Variants in SLC44A5 observed in about 807,000 individuals in gnomAD.
The protein encoded by SLC44A5 is choline transporter-like protein 5.
Under a neutral mutation model 101.8 loss-of-function variants are expected in SLC44A5, and 57 were observed. That is an observed-to-expected ratio of 0.56 (90% CI 0.45 to 0.70). The LOEUF is 0.70. Ranked by LOEUF, SLC44A5 falls within the 30% of genes least tolerant of loss-of-function variation. The pLI is 0.00. For synonymous variants in SLC44A5, 281 were observed against 290.9 expected (o/e 0.97, Z 0.35); for missense variants, 737 against 853.1 (o/e 0.86, Z 1.70).
chr1:75,328,680 C>T (rs1311702310), intron 4 of SLC44A5, among the ~76,000 whole-genome samples: 1 of 152,164 alleles, frequency 6.6e-6, no homozygotes, highest in Non-Finnish European at 1.5e-5. Context: ...CTCCTTAATT[C>T]CCTAACAAAG....
the SLC44A5 span, among the ~76,000 whole-genome samples, chr1:75,682,126 C>CA: frequency 1.3e-5 from 2 of 152,338 alleles, no homozygotes; most frequent in East Asian, 3.9e-4. Flanking sequence ...AATGGAAGAA[C>CA]ATTCCATGCT....
chr1:75,583,715 A>G (rs1673832124), intron 1 of SLC44A5, among the ~76,000 whole-genome samples: 1 of 152,178 alleles, frequency 6.6e-6, no homozygotes, highest in Non-Finnish European at 1.5e-5. Flanking sequence ...AAACCCCACT[A>G]ATTTTTGCAA....
chr1:75,603,446 G>A (rs1025244443), intron 1 of SLC44A5, among the ~76,000 whole-genome samples: 5 of 151,324 alleles, frequency 3.3e-5, no homozygotes, highest in Non-Finnish European at 7.4e-5. Context: ...ATTAACATGC[G>A]GGTGCATGTG....
intron 13 of SLC44A5, 73 bp downstream of exon 13, chr1:75,227,653 A>G (rs1647238968): frequency 7.7e-7 from 1 of 1,303,500 alleles, no homozygotes; most frequent in Non-Finnish European, 1.0e-6. Flanking sequence ...ATACCAACCC[A>G]AGTTTTCCTT....
the SLC44A5 span, among the ~76,000 whole-genome samples, chr1:75,684,573 A>T: frequency 6.6e-6 from 1 of 152,220 alleles, no homozygotes; most frequent in Admixed American, 6.5e-5. Context: ...AAGGAGCTAC[A>T]GGCCCCATGC....
rs563129383 is a variant in SLC44A5 at position 75,478,867 on chromosome 1, C to T, written c.13+62568G>A. Among the ~76,000 whole-genome samples, 771 of 152,014 alleles carry T rather than the reference C, an allele frequency of 5.1e-3. 8 individuals are homozygous for T. Among genetic ancestry groups the T allele is most frequent in the African/African-American group, 0.018 (739 of 41,448 alleles). On this transcript the variant is annotated intron_variant, in intron 2 of 23. Transcript: ENST00000370859. Reference sequence around the variant, plus strand: ...TGAGACAGAAAGTTAACAAGGATACCCAGGAATTGAACTCAGCTCTGCACC... The same window carrying T: ...TGAGACAGAAAGTTAACAAGGATACTCAGGAATTGAACTCAGCTCTGCACC...
intron 1 of SLC44A5, among the ~76,000 whole-genome samples, chr1:75,553,571 T>C (rs543565781): frequency 2.6e-5 from 4 of 152,188 alleles, no homozygotes; most frequent in African/African-American, 7.2e-5. Flanking sequence ...AAATGTAACT[T>C]AAGGTCCAGA....
chr1:75,401,990 T>C lies in SLC44A5; in HGVS notation c.14-5369A>G, dbSNP rs1230120783. The stretch of plus-strand genomic sequence containing the variant: ...AGGCAACAGAGAAAGGGCTAAAAAA[T>C]GTGATCCACACATGAAGCACCTCAC... On this transcript the variant is annotated intron_variant, in intron 2 of 23. Coordinates refer to ENST00000370859, the MANE Select transcript of SLC44A5 (RefSeq NM_001130058.2). Among the ~76,000 whole-genome samples, 4 of 151,906 alleles carry C rather than the reference T, an allele frequency of 2.6e-5. 1 individual carries two copies. The South Asian group carries it at 6.2e-4, about 24-fold the overall frequency.
At chr1:75,337,302 GT>G (rs1238280316) in intron 4 of SLC44A5, among the ~76,000 whole-genome samples, 4 of 152,140 alleles carry the variant, frequency 2.6e-5, no homozygotes, top group Non-Finnish European at 5.9e-5. Context: ...TCAAAAATAA[GT>G]GGGCTTATCA....
intron 4 of SLC44A5, among the ~76,000 whole-genome samples, chr1:75,317,067 G>C (rs566881624): frequency 2.6e-5 from 4 of 152,338 alleles, no homozygotes; most frequent in African/African-American, 7.2e-5. Context: ...AAGAGATGAA[G>C]TTTGTAGAAA....
chr1:75,296,292 A>G (rs1653952480), intron 5 of SLC44A5, among the ~76,000 whole-genome samples: 1 of 152,128 alleles, frequency 6.6e-6, no homozygotes. Flanking sequence ...CTACTTCTCA[A>G]TGGGAAAAAT....
chr1:75,564,594 T>C (rs1672686840), intron 1 of SLC44A5, among the ~76,000 whole-genome samples: 2 of 147,066 alleles, frequency 1.4e-5, no homozygotes, highest in Admixed American at 6.8e-5. Context: ...TATTTACTTT[T>C]TTTTTAATTT....
At chr1:75,470,373 A>T (rs1446777414) in intron 2 of SLC44A5, among the ~76,000 whole-genome samples, 1 of 152,206 alleles carries the variant, frequency 6.6e-6, no homozygotes. Context: ...ACGTACTGCC[A>T]CAGCTAAAAT....
chr1:75,226,272 A>G (rs1170198069), intron 13 of SLC44A5, among the ~76,000 whole-genome samples: 1 of 152,086 alleles, frequency 6.6e-6, no homozygotes, highest in Non-Finnish European at 1.5e-5. Context: ...GAAAAACTAA[A>G]TGCGGTGGAG....
chr1:75,690,971 T>TA, the SLC44A5 span, among the ~76,000 whole-genome samples: 1 of 148,850 alleles, frequency 6.7e-6, no homozygotes, highest in Non-Finnish European at 1.5e-5. Flanking sequence ...CTAATTTTTT[T>TA]AAAAAAAGAA....
At chr1:75,485,890 T>G (rs1668125540) in intron 2 of SLC44A5, among the ~76,000 whole-genome samples, 1 of 152,008 alleles carries the variant, frequency 6.6e-6, no homozygotes, top group African/African-American at 2.4e-5. Context: ...AGTACCACAC[T>G]TTAAAACCAT....
At chr1:75,467,207 C>A (rs888887000) in intron 2 of SLC44A5, among the ~76,000 whole-genome samples, 2 of 151,664 alleles carry the variant, frequency 1.3e-5, no homozygotes, top group African/African-American at 4.8e-5. Context: ...ATAAATATTC[C>A]AGGTTCATAT....
intron 7 of SLC44A5, among the ~76,000 whole-genome samples, chr1:75,245,051 T>TG (rs763849938): frequency 1.7e-4 from 26 of 152,276 alleles, no homozygotes; most frequent in Admixed American, 6.5e-4. Flanking sequence ...CAAAGGCATT[T>TG]GGTGTGGACC....
chr1:75,329,644 C>G (rs993550573), intron 4 of SLC44A5, among the ~76,000 whole-genome samples: 1 of 152,140 alleles, frequency 6.6e-6, no homozygotes, highest in Non-Finnish European at 1.5e-5. Context: ...AATGCACAAT[C>G]TGGAATCCTC....
Sources: allele counts gnomAD v4.1 joint callset (sites outside exome capture counted in the v4.1 genomes callset), GRCh38; gene constraint gnomAD v4.1.1; transcripts MANE v1.5; gene names NCBI Gene and HGNC (gene_info 2026-07-23, HGNC 2026-07-21).